The following CCDC51 variants were observed in gnomAD, a reference collection of about 807,000 sequenced individuals.
CCDC51 encodes coiled-coil domain containing 51, also known as mitochondrial potassium channel.
Under a neutral mutation model 24.8 loss-of-function variants are expected in CCDC51, and 25 were observed. The ratio of observed to expected loss-of-function variants is 1.01; its 90% confidence interval spans 0.73 to 1.41. CCDC51 has a LOEUF of 1.41. CCDC51 is among the 40% of genes most tolerant of loss of function. The pLI is 0.00. For synonymous variants in CCDC51, 190 were observed against 204.3 expected (o/e 0.93, Z 0.60); for missense variants, 466 against 519.1 (o/e 0.90, Z 0.99).
intron 1 of CCDC51, among the ~76,000 whole-genome samples, chr3:48,439,360 G>A (rs2039475340): frequency 6.6e-6 from 1 of 152,252 alleles, no homozygotes; most frequent in South Asian, 2.1e-4. Context: ...TTGGCTGGGT[G>A]CGGTGGCTCA....
chr3:48,442,240 G>A (rs2039586985), upstream of CCDC51, among the ~76,000 whole-genome samples: 3 of 142,334 alleles, frequency 2.1e-5, no homozygotes, highest in Admixed American at 7.2e-5. Context: ...CAGCCTGGGA[G>A]ATAGAATGAG....
At chr3:48,439,247 C>A (rs907650200) in intron 1 of CCDC51, among the ~76,000 whole-genome samples, 2 of 152,218 alleles carry the variant, frequency 1.3e-5, no homozygotes, top group African/African-American at 4.8e-5. Flanking sequence ...CAGCTTGGTA[C>A]CTACATATAG....
upstream of CCDC51, chr3:48,440,269 A>G (rs1482717530): frequency 1.9e-6 from 3 of 1,587,966 alleles, no homozygotes; most frequent in Middle Eastern, 1.7e-4. Context: ...TTCCGGTGGC[A>G]GGGTCTGGGG....
Position 48,433,644 on chromosome 3 carries a change from C to T in CCDC51, c.477+63G>A. 1 of 1,556,866 alleles carries T rather than the reference C, an allele frequency of 6.4e-7. No homozygotes were observed. On this transcript the variant is annotated intron_variant, in intron 3 of 3. Transcript: ENST00000395694. The surrounding 1 kb of genome is among the most constrained non-coding windows in gnomAD (Gnocchi z 4.4). ...CAGTCAGGGTTCCCACCCGGCCCCTCCATGATCTGCCAGGCTAGGGTCACT... is the reference window on the plus strand; with the variant it reads ...CAGTCAGGGTTCCCACCCGGCCCCTTCATGATCTGCCAGGCTAGGGTCACT...
intron 1 of CCDC51, among the ~76,000 whole-genome samples, chr3:48,436,104 C>A (rs1354757607): frequency 6.6e-6 from 1 of 152,104 alleles, no homozygotes; most frequent in Non-Finnish European, 1.5e-5. Flanking sequence ...GACCCATTTT[C>A]CCAGAAAAAG....
At chr3:48,444,709 C>G (rs946868468), upstream of CCDC51, among the ~76,000 whole-genome samples, 1 of 152,172 alleles carries the variant, frequency 6.6e-6, no homozygotes, top group African/African-American at 2.4e-5. Context: ...CGGAACAGTT[C>G]CTGTTGTCAA....
chr3:48,438,274 A>T (rs2039420383), intron 1 of CCDC51: 1 of 152,162 alleles, frequency 6.6e-6, no homozygotes, highest in African/African-American at 2.4e-5. Flanking sequence ...TGAATTGTAC[A>T]CATTGCATGA....
rs767107391 is a variant in CCDC51 at position 48,435,159 on chromosome 3, G to A, written c.-8-23C>T. Reference sequence around the variant, plus strand: ...GATCTGTGAGGGGGACGCCAGACAGGTCAGCTCACAGCTGAGAAAGGCTGG... The same window carrying A: ...GATCTGTGAGGGGGACGCCAGACAGATCAGCTCACAGCTGAGAAAGGCTGG... On this transcript the variant is annotated intron_variant, in intron 1 of 3. Transcript: ENST00000395694. This position sits in a 1 kb window ranked among gnomAD's most constrained non-coding sequence, Gnocchi z 4.2. 7.8e-6 allele frequency: 12 copies of A among 1,539,010 alleles called. No individual in the cohort carries two copies. Among genetic ancestry groups the A allele is most frequent in the Non-Finnish European group, 2.6e-6 (3 of 1,143,434 alleles).
chr3:48,432,217 A>G lies in CCDC51; in HGVS notation c.*191T>C. Reference sequence around the variant, plus strand: ...GGATATTTTAATTGGACATTAGCACAAAGTTTTGATAATTAATGTAAATGA... The same window carrying G: ...GGATATTTTAATTGGACATTAGCACGAAGTTTTGATAATTAATGTAAATGA... On this transcript the variant is annotated 3_prime_UTR_variant, in exon 4 of 4. Transcript: ENST00000395694. 1.7e-6 allele frequency: 1 copy of G among 601,606 alleles called. No individual in the cohort carries two copies. Among genetic ancestry groups the G allele is most frequent in the Middle Eastern group, 4.5e-4 (1 of 2,220 alleles). 37.3% of individuals were successfully genotyped at this position (601,606 alleles called of 1,614,324 possible). A position where few individuals can be genotyped will look rare whatever the true frequency, so the allele number is the denominator to read the frequency against.
upstream of CCDC51, among the ~76,000 whole-genome samples, chr3:48,441,613 A>T (rs2039571238): frequency 6.6e-6 from 1 of 152,080 alleles, no homozygotes; most frequent in African/African-American, 2.4e-5. Context: ...CTGTTGCTCC[A>T]TATGCTTTTC....
chr3:48,443,483 G>A (rs913827027), upstream of CCDC51, among the ~76,000 whole-genome samples: 3 of 151,184 alleles, frequency 2.0e-5, no homozygotes, highest in Admixed American at 6.6e-5. Context: ...GCAGTGAGCT[G>A]AGATCGTGCC....
At chr3:48,436,189 A>T (rs2039346796) in intron 1 of CCDC51, among the ~76,000 whole-genome samples, 1 of 152,198 alleles carries the variant, frequency 6.6e-6, no homozygotes, top group Admixed American at 6.5e-5. Context: ...TGTGAGAGCG[A>T]CACCTGGTGG....
At chr3:48,436,195 G>A (rs1181130693) in intron 1 of CCDC51, among the ~76,000 whole-genome samples, 2 of 152,120 alleles carry the variant, frequency 1.3e-5, no homozygotes, top group Non-Finnish European at 1.5e-5. Flanking sequence ...AGCGACACCT[G>A]GTGGCCAACA....
At chr3:48,436,563 G>A (rs1409105465) in intron 1 of CCDC51, among the ~76,000 whole-genome samples, 1 of 152,172 alleles carries the variant, frequency 6.6e-6, no homozygotes, top group East Asian at 1.9e-4. Flanking sequence ...TACCATCCAG[G>A]CCCCAGCAGC....
upstream of CCDC51, chr3:48,440,274 C>T (rs1473782185): frequency 1.3e-6 from 2 of 1,596,158 alleles, no homozygotes; most frequent in Admixed American, 1.7e-5. Flanking sequence ...GTGGCAGGGT[C>T]TGGGGAAGCG....
Position 48,437,053 on chromosome 3 carries a change from G to C in CCDC51, c.-8-1917C>G, listed in dbSNP as rs746453813. ...ACTGCCATACTCTGCTCCAGCCACC[G>C]TGCTGGTCTGTGCCCTGCCACCTTG... On this transcript the variant is annotated intron_variant, in intron 1 of 3. Coordinates refer to ENST00000395694, the MANE Select transcript of CCDC51 (RefSeq NM_001256964.2). The surrounding 1 kb of genome is among the most constrained non-coding windows in gnomAD (Gnocchi z 4.2). Among the ~76,000 whole-genome samples, 1 of 152,018 alleles carries C rather than the reference G, an allele frequency of 6.6e-6. No homozygotes were observed. The highest frequency in any genetic ancestry group is 1.5e-5 in the Non-Finnish European group (1 of 68,012).
At chr3:48,441,315 A>G (rs1490537866), upstream of CCDC51, among the ~76,000 whole-genome samples, 1 of 151,892 alleles carries the variant, frequency 6.6e-6, no homozygotes, top group Admixed American at 6.6e-5. Context: ...AAGTGCTGGG[A>G]TTGCAGGCGT....
In CCDC51 at chr3:48,433,718, T is replaced by C. The variant is rs1471828130; in HGVS notation, c.466A>G (p.Arg156Gly). 1 of 1,613,586 alleles carries C rather than the reference T, an allele frequency of 6.2e-7. No homozygotes were observed. Among genetic ancestry groups the C allele is most frequent in the Admixed American group, 1.7e-5 (1 of 59,954 alleles). ...CCTGAGGTGCCTACCTGCAGCATCC[T>C]GTGCTCGAGAGTAGCCAGTTCCAAG... ...QYLELATLEH[R>G]MLQEEKRLRT... The change falls in exon 3 of 4, where the codon AGG becomes GGG. Residue 156 changes from arginine (R) to glycine (G), a missense_variant. Arg to Gly is a moderately radical substitution (Grantham distance 125). Transcript: ENST00000395694. The surrounding 1 kb of genome is among the most constrained non-coding windows in gnomAD (Gnocchi z 4.4).
chr3:48,440,580 A>G, upstream of CCDC51: 1 of 1,611,944 alleles, frequency 6.2e-7, no homozygotes, highest in Non-Finnish European at 8.5e-7. Context: ...AGAGGAGCAG[A>G]AGAAACTCGA....
Sources: allele counts gnomAD v4.1 joint callset (sites outside exome capture counted in the v4.1 genomes callset), GRCh38; gene constraint gnomAD v4.1.1; non-coding constraint Gnocchi (gnomAD v3.1); transcripts MANE v1.5; gene names NCBI Gene and HGNC (gene_info 2026-07-23, HGNC 2026-07-21).